Variants in TMEM232 observed in about 807,000 individuals in gnomAD.
TMEM232 encodes transmembrane protein 232.
A neutral mutation model predicts 78.8 loss-of-function variants in TMEM232; 80 were observed. The ratio of observed to expected loss-of-function variants is 1.01; its 90% CI spans 0.85 to 1.22. The LOEUF (loss-of-function observed/expected upper bound fraction) is 1.22. Among genes scored for constraint, TMEM232 ranks in the 50% most tolerant of loss-of-function variants. The pLI is 0.00. For missense variants in TMEM232, 881 were observed against 742.2 expected (o/e 1.19, Z -2.17); for synonymous variants, 297 against 254.3 (o/e 1.17, Z -1.60).
At chr5:110,581,574 A>G (rs887753830) in intron 10 of TMEM232, among the ~76,000 whole-genome samples, 1 of 151,940 alleles carries the variant, frequency 6.6e-6, no homozygotes, top group African/African-American at 2.4e-5. Context: ...CTAGAAGAAA[A>G]CCTAAGAAAT....
At chr5:110,658,804 A>G (rs1241575834) in intron 2 of TMEM232, among the ~76,000 whole-genome samples, 1 of 152,194 alleles carries the variant, frequency 6.6e-6, no homozygotes, top group South Asian at 2.1e-4. Context: ...AATTGCCTGC[A>G]TTCTTTGGCT....
At chr5:110,488,714 T>A (rs1764720727) in intron 12 of TMEM232, among the ~76,000 whole-genome samples, 1 of 151,012 alleles carries the variant, frequency 6.6e-6, no homozygotes, top group African/African-American at 2.4e-5. Context: ...AAGCTTAGAG[T>A]GGAGATAAAT....
intron 11 of TMEM232, among the ~76,000 whole-genome samples, chr5:110,540,798 T>A (rs1773012451): frequency 6.6e-6 from 1 of 152,162 alleles, no homozygotes; most frequent in Non-Finnish European, 1.5e-5. Context: ...ATTCTAAATA[T>A]ACATTCCCTG....
intron 12 of TMEM232, among the ~76,000 whole-genome samples, chr5:110,485,533 C>T (rs1244126306): frequency 6.6e-6 from 1 of 152,152 alleles, no homozygotes; most frequent in Non-Finnish European, 1.5e-5. Context: ...AGCTTAGCTC[C>T]CACATATCAG....
At chr5:110,702,803 G>A (rs1795562336) in intron 1 of TMEM232, among the ~76,000 whole-genome samples, 1 of 151,956 alleles carries the variant, frequency 6.6e-6, no homozygotes, top group Admixed American at 6.6e-5. Context: ...CTTACCTAAA[G>A]AAAAATCAAC....
chr5:110,474,510 T>C (rs373847808), intron 12 of TMEM232, among the ~76,000 whole-genome samples: 14 of 152,040 alleles, frequency 9.2e-5, no homozygotes, highest in African/African-American at 3.1e-4. Context: ...ATTCAAGAAA[T>C]GTACACTATG....
chr5:110,507,191 G>T (rs1423894937), intron 12 of TMEM232, among the ~76,000 whole-genome samples: 2 of 152,182 alleles, frequency 1.3e-5, no homozygotes, highest in African/African-American at 4.8e-5. Flanking sequence ...CAATATAGGG[G>T]AAGGGGAAAG....
At chr5:110,440,223 C>G (rs1042364693) in intron 12 of TMEM232, among the ~76,000 whole-genome samples, 3 of 152,096 alleles carry the variant, frequency 2.0e-5, no homozygotes, top group Non-Finnish European at 1.5e-5. Flanking sequence ...TGGTGGAGAA[C>G]AAGTGTAACT....
At chr5:110,559,469 C>T (rs770728120) in intron 11 of TMEM232, among the ~76,000 whole-genome samples, 1 of 151,904 alleles carries the variant, frequency 6.6e-6, no homozygotes, top group African/African-American at 2.4e-5. Context: ...TATATATATT[C>T]CCACAAATTA....
intron 11 of TMEM232, among the ~76,000 whole-genome samples, chr5:110,548,935 T>C (rs1774113574): frequency 6.6e-6 from 1 of 151,924 alleles, no homozygotes; most frequent in Non-Finnish European, 1.5e-5. Context: ...ATAATAAAAT[T>C]GAACTAAAAT....
intron 11 of TMEM232, among the ~76,000 whole-genome samples, chr5:110,549,605 CAAAAAAAAAAAA>C (rs1209595068): frequency 8.8e-5 from 4 of 45,436 alleles, no homozygotes; most frequent in Middle Eastern, 0.014. Context: ...GTCCCTGTCT[CAAAAAAAAAAAA>C]AAAAAAAAAA....
chr5:110,416,278 CAT>C (rs1238459150), downstream of TMEM232, among the ~76,000 whole-genome samples: 1 of 152,222 alleles, frequency 6.6e-6, no homozygotes, highest in Non-Finnish European at 1.5e-5. Flanking sequence ...TGTTCCTACA[CAT>C]GTCTTTTCTA....
chr5:110,686,930 T>C (rs1793487917), intron 1 of TMEM232, among the ~76,000 whole-genome samples: 1 of 152,180 alleles, frequency 6.6e-6, no homozygotes, highest in Admixed American at 6.5e-5. Context: ...CACAGGCTCA[T>C]GTAGCATCAC....
intron 2 of TMEM232, among the ~76,000 whole-genome samples, chr5:110,649,735 T>C (rs968983238): frequency 1.3e-5 from 2 of 152,122 alleles, no homozygotes; most frequent in Admixed American, 1.3e-4. Flanking sequence ...TTACATTCAT[T>C]TTTATAATGC....
chr5:110,718,116 C>T (rs1186015975), intron 1 of TMEM232, among the ~76,000 whole-genome samples: 2 of 151,964 alleles, frequency 1.3e-5, no homozygotes, highest in African/African-American at 4.8e-5. Context: ...TAAAATTATA[C>T]ATATTTGTCA....
downstream of TMEM232, among the ~76,000 whole-genome samples, chr5:110,418,685 G>A (rs1756372339): frequency 6.6e-6 from 1 of 152,080 alleles, no homozygotes; most frequent in African/African-American, 2.4e-5. Context: ...AGAAAATCGT[G>A]GAAGTAAGAA....
At chr5:110,732,578 A>T (rs958395492) in intron 2 of TMEM232, among the ~76,000 whole-genome samples, 2 of 152,196 alleles carry the variant, frequency 1.3e-5, no homozygotes, top group East Asian at 3.8e-4. Context: ...AGCCCATCAG[A>T]TTTTGTGAGA....
At chr5:110,467,258 A>ATACTT (rs1201556829) in intron 12 of TMEM232, among the ~76,000 whole-genome samples, 2 of 152,166 alleles carry the variant, frequency 1.3e-5, no homozygotes, top group Non-Finnish European at 2.9e-5. Flanking sequence ...CTCCCCTAGG[A>ATACTT]TACTTTTCTC....
At chr5:110,477,725 A>T (rs1763407498) in intron 12 of TMEM232, among the ~76,000 whole-genome samples, 1 of 151,864 alleles carries the variant, frequency 6.6e-6, no homozygotes, top group Non-Finnish European at 1.5e-5. Flanking sequence ...ATGATGATAA[A>T]CCATTGTCAA....
Sources: gnomAD v4.1 joint callset for allele counts (sites outside exome capture counted in the v4.1 genomes callset) on GRCh38, gnomAD v4.1.1 for gene constraint, MANE v1.5 for transcripts, NCBI Gene and HGNC (gene_info 2026-07-23, HGNC 2026-07-21) for gene names.